LUZP2: variants seen among roughly 807,000 people sequenced by gnomAD.
The protein encoded by LUZP2 is leucine zipper protein 2.
A neutral mutation model predicts 51.6 loss-of-function variants in LUZP2; 52 were observed. That is an observed-to-expected ratio of 1.01 (90% CI 0.81 to 1.27). LUZP2 has a LOEUF of 1.27. Ranked by LOEUF, LUZP2 falls within the 50% of genes most tolerant of loss-of-function variation. The pLI, the probability that LUZP2 is intolerant of heterozygous loss-of-function variation, is 0.00. For missense variants in LUZP2, 436 were observed against 395.4 expected, an observed-to-expected ratio of 1.10 and a Z score of -0.87; for synonymous variants, 154 against 137.3, an observed-to-expected ratio of 1.12 and a Z score of -0.85.
At chr11:24,589,022 T>C (rs1853169528) in intron 1 of LUZP2, among the ~76,000 whole-genome samples, 1 of 152,224 alleles carries the variant, frequency 6.6e-6, no homozygotes, top group South Asian at 2.1e-4. Flanking sequence ...GGACGTCAAT[T>C]ATCAGTTTGG....
At chr11:25,076,647 A>AAGGAAGGGAGGGAGGGAAGG (rs1859311340) in intron 10 of LUZP2, among the ~76,000 whole-genome samples, 2 of 132,552 alleles carry the variant, frequency 1.5e-5, no homozygotes, top group African/African-American at 2.9e-5. Context: ...AAAAAGAGGG[A>AAGGAAGGGAGGGAGGGAAGG]AGGAAGGGAG....
intron 5 of LUZP2, among the ~76,000 whole-genome samples, chr11:24,898,625 G>T (rs928341937): frequency 4.9e-5 from 5 of 102,152 alleles, no homozygotes; most frequent in African/African-American, 1.6e-4. Flanking sequence ...TCTGTGTCAG[G>T]AAGAAAAAAA....
intron 7 of LUZP2, among the ~76,000 whole-genome samples, chr11:24,964,197 T>C (rs899534625): frequency 6.6e-6 from 1 of 152,332 alleles, no homozygotes; most frequent in East Asian, 1.9e-4. Context: ...GATAATTACT[T>C]ATCTCTTAGG....
At chr11:24,840,084 G>T (rs1489398602) in intron 5 of LUZP2, among the ~76,000 whole-genome samples, 3 of 151,480 alleles carry the variant, frequency 2.0e-5, no homozygotes, top group Non-Finnish European at 3.0e-5. Context: ...AGCACTTTGT[G>T]GGGGACAATT....
At chr11:24,769,693 ATT>A (rs763755994) in intron 5 of LUZP2, among the ~76,000 whole-genome samples, 12 of 105,762 alleles carry the variant, frequency 1.1e-4, no homozygotes, top group South Asian at 3.4e-4. Flanking sequence ...ATGGTGGTCT[ATT>A]TTTTTTTTTT....
At chr11:24,677,268 T>C (rs1024775152) in intron 1 of LUZP2, among the ~76,000 whole-genome samples, 8 of 152,154 alleles carry the variant, frequency 5.3e-5, no homozygotes, top group African/African-American at 1.9e-4. Context: ...AATCATAAAT[T>C]TCTCTCTACA....
chr11:25,046,482 T>A (rs1260562899), intron 9 of LUZP2, among the ~76,000 whole-genome samples: 1 of 152,146 alleles, frequency 6.6e-6, no homozygotes, highest in Non-Finnish European at 1.5e-5. Context: ...GTACTGACCC[T>A]AATTTTACCT....
rs140824737 is a variant in LUZP2, at chr11:24,685,286, T to C, written c.63-43883T>C. Among the ~76,000 whole-genome samples, 207 of 152,242 alleles carry C rather than the reference T, an allele frequency of 1.4e-3. 1 individual carries two copies. The Middle Eastern group carries it at 0.024, about 18-fold the overall frequency. Reference sequence around the variant, plus strand: ...TGAAAAGCACTTTGCACATTACAGATTGATGCTGAGATGAATTCTAGGGGC... The same window carrying C: ...TGAAAAGCACTTTGCACATTACAGACTGATGCTGAGATGAATTCTAGGGGC... On this transcript the variant is annotated intron_variant, in intron 1 of 11. Coordinates refer to ENST00000336930, the MANE Select transcript of LUZP2 (RefSeq NM_001009909.4).
At chr11:24,546,838 G>T (rs948825570) in intron 1 of LUZP2, among the ~76,000 whole-genome samples, 4 of 152,008 alleles carry the variant, frequency 2.6e-5, no homozygotes, top group African/African-American at 9.7e-5. Context: ...AATAGTTTCA[G>T]TAGGAATGGT....
intron 1 of LUZP2, among the ~76,000 whole-genome samples, chr11:24,564,550 T>G (rs1273345190): frequency 1.3e-5 from 2 of 152,112 alleles, no homozygotes; most frequent in East Asian, 3.9e-4. Flanking sequence ...TCACTATAGT[T>G]GTATGTAAGC....
chr11:24,842,080 T>A lies in LUZP2; in HGVS notation c.397-63911T>A, dbSNP rs189748790. On this transcript the variant is annotated intron_variant, in intron 5 of 11. Transcript: ENST00000336930. ...TATGCAAAGATATTGAAAGTAAAAA[T>A]ATAAAAAAATAGATATACTGACACT... 8.2e-3 allele frequency among the ~76,000 whole-genome samples: 1,247 copies of A among 151,256 alleles called. 6 individuals carry two copies. Among genetic ancestry groups the A allele is most frequent in the Middle Eastern group, 0.014 (4 of 290 alleles).
intron 5 of LUZP2, among the ~76,000 whole-genome samples, chr11:24,819,834 T>C (rs1850303120): frequency 6.6e-6 from 1 of 152,102 alleles, no homozygotes; most frequent in African/African-American, 2.4e-5. Flanking sequence ...TTTAAATGTT[T>C]CTATAGTAAT....
chr11:24,623,243 G>C (rs1266150408), intron 1 of LUZP2, among the ~76,000 whole-genome samples: 1 of 121,928 alleles, frequency 8.2e-6, no homozygotes, highest in Non-Finnish European at 1.8e-5. Context: ...AAACTCATGG[G>C]AAAAGGAAAA....
intron 9 of LUZP2, among the ~76,000 whole-genome samples, chr11:25,031,503 G>C (rs1857685521): frequency 6.6e-6 from 1 of 151,926 alleles, no homozygotes. Flanking sequence ...ATTCCAAATA[G>C]CTTATTTGTG....
At chr11:24,879,743 C>T (rs1021916817) in intron 5 of LUZP2, among the ~76,000 whole-genome samples, 2 of 152,150 alleles carry the variant, frequency 1.3e-5, no homozygotes, top group Non-Finnish European at 2.9e-5. Context: ...TGTTCATATC[C>T]TTTGCCCACT....
At chr11:24,554,958 C>T (rs1263898467) in intron 1 of LUZP2, among the ~76,000 whole-genome samples, 1 of 151,992 alleles carries the variant, frequency 6.6e-6, no homozygotes, top group East Asian at 1.9e-4. Flanking sequence ...CAAAAAGCTA[C>T]TATGGTGTCT....
chr11:24,900,712 A>C (rs1853251863), intron 5 of LUZP2, among the ~76,000 whole-genome samples: 1 of 152,144 alleles, frequency 6.6e-6, no homozygotes, highest in African/African-American at 2.4e-5. Context: ...CACAGCAAAC[A>C]CCGAGCTGTA....
chr11:25,002,022 T>G (rs1484780423), intron 9 of LUZP2, among the ~76,000 whole-genome samples: 4 of 152,238 alleles, frequency 2.6e-5, no homozygotes, highest in Admixed American at 1.3e-4. Context: ...CTGTGGTATT[T>G]AATGGGGGTT....
At chr11:24,540,641 C>T (rs1464495142) in intron 1 of LUZP2, among the ~76,000 whole-genome samples, 1 of 152,082 alleles carries the variant, frequency 6.6e-6, no homozygotes, top group Non-Finnish European at 1.5e-5. Flanking sequence ...CTTGAGCAGA[C>T]TAATATAGCA....
Sources: gnomAD v4.1 joint callset for allele counts (sites outside exome capture counted in the v4.1 genomes callset) on GRCh38, gnomAD v4.1.1 for gene constraint, MANE v1.5 for transcripts, NCBI Gene and HGNC (gene_info 2026-07-23, HGNC 2026-07-21) for gene names.